SLC9A7: variants seen among roughly 807,000 people sequenced by gnomAD.
The protein encoded by SLC9A7 is sodium/hydrogen exchanger 7.
Under a neutral mutation model 52.6 loss-of-function variants are expected in SLC9A7, and 19 were observed. That is an observed-to-expected ratio of 0.36 (90% confidence interval 0.25 to 0.53). The LOEUF is 0.53. Ranked by LOEUF, SLC9A7 falls within the 20% of genes least tolerant of loss-of-function variation. The pLI, the probability that SLC9A7 is intolerant of heterozygous loss-of-function variation, is 0.91. For synonymous variants in SLC9A7, 226 were observed against 252.1 expected, an observed-to-expected ratio of 0.90 and a Z score of 0.98; for missense variants, 455 against 597.9, an observed-to-expected ratio of 0.76 and a Z score of 2.49.
intron 1 of SLC9A7, among the ~76,000 whole-genome samples, chrX:46,720,061 A>G (rs1225741646): frequency 8.9e-6 from 1 of 111,787 alleles, no homozygotes; most frequent in African/African-American, 3.3e-5. Flanking sequence ...GATTAAGGTC[A>G]TTACTGAGGA....
chrX:46,635,108 C>T, intron 13 of SLC9A7, among the ~76,000 whole-genome samples: 1 of 112,215 alleles, frequency 8.9e-6, no homozygotes, highest in Non-Finnish European at 1.9e-5. Flanking sequence ...GGCACAAGTA[C>T]ACAAATATGT....
At chrX:46,752,919 A>T (rs1156744911) in intron 1 of SLC9A7, among the ~76,000 whole-genome samples, 1 of 112,230 alleles carries the variant, frequency 8.9e-6, no homozygotes, top group Non-Finnish European at 1.9e-5. Context: ...AGGTTGAAAA[A>T]TTGTGATTTT....
At chrX:46,642,612 G>A (rs187673465) in intron 12 of SLC9A7, among the ~76,000 whole-genome samples, 1,411 of 111,884 alleles carry the variant, frequency 0.013, 18 homozygotes, top group Non-Finnish European at 0.018. Context: ...ATAAGATGCT[G>A]GAGCTCACAA....
chrX:46,607,065 G>T lies in SLC9A7; in HGVS notation c.2068C>A (p.Arg690=). 8.3e-7 allele frequency: 1 copy of T among 1,211,589 alleles called. No homozygotes were observed. The highest frequency in any genetic ancestry group is 1.8e-5 in the South Asian group (1 of 56,932). The change falls in exon 17 of 17, where the codon CGG becomes AGG. Residue 690 remains arginine (R), a synonymous_variant. Coordinates refer to ENST00000616978, the MANE Select transcript of SLC9A7 (RefSeq NM_001257291.2). Reference sequence around the variant, plus strand: ...TCCTCCGAGCTGCTCTTCGTTCTCCGGCTGCCCTCCAGACTCGTGGAGGCG... The same window carrying T: ...TCCTCCGAGCTGCTCTTCGTTCTCCTGCTGCCCTCCAGACTCGTGGAGGCG... The part of the protein sequence containing the change: ...HTASTSLEGS[R]RTKSSSEEVL...
At chrX:46,656,188 A>C (rs1315842314) in intron 7 of SLC9A7, among the ~76,000 whole-genome samples, 2 of 111,997 alleles carry the variant, frequency 1.8e-5, no homozygotes, top group Non-Finnish European at 3.8e-5. Flanking sequence ...AAACTAACAA[A>C]CAGAAAGGAC....
chrX:46,725,716 T>A, intron 1 of SLC9A7: 1 of 1,181,542 alleles, frequency 8.5e-7, no homozygotes, highest in Non-Finnish European at 1.2e-6. Flanking sequence ...AATCGAGAAA[T>A]CTTCTTGTCA....
Position 46,606,971 on chromosome X carries a change from G to C in SLC9A7, c.2162C>G (p.Pro721Arg). 1 of 1,211,348 alleles carries C rather than the reference G, an allele frequency of 8.3e-7. No homozygotes were observed. The highest frequency in any genetic ancestry group is 1.1e-6 in the Non-Finnish European group (1 of 895,430). Residue 721 changes from proline (P) to arginine (R), a missense_variant, in exon 17 of 17, where the codon CCC becomes CGC. Physicochemically the swap from Pro to Arg is moderately radical, Grantham distance 103. Transcript: ENST00000616978. ...VSSRGTRLVF[P>R]LEDNA Reference sequence around the variant, plus strand: ...GGAAAGTCAAGCATTATCTTCCAGGGGAAACACTAGGCGGGTGCCCCGGCT... The same window carrying C: ...GGAAAGTCAAGCATTATCTTCCAGGCGAAACACTAGGCGGGTGCCCCGGCT...
chrX:46,706,081 C>T (rs185930667), intron 1 of SLC9A7, among the ~76,000 whole-genome samples: 1 of 108,450 alleles, frequency 9.2e-6, no homozygotes, highest in Admixed American at 9.9e-5. Flanking sequence ...GAAATGCGAA[C>T]TCACTGGATA....
At chrX:46,682,678 G>A (rs1944229135) in intron 1 of SLC9A7, 143 bp from the exon 2 acceptor site, 3 of 525,195 alleles carry the variant, frequency 5.7e-6, no homozygotes, top group Non-Finnish European at 9.5e-6. Context: ...AGGAGAAACT[G>A]CATGGGCCTT....
At chrX:46,672,751 C>T (rs1944044890) in intron 3 of SLC9A7, 124 bp from the exon 4 acceptor site, 1 of 484,500 alleles carries the variant, frequency 2.1e-6, no homozygotes, top group Admixed American at 3.6e-5. Flanking sequence ...CATCAAGTAA[C>T]AACTGAAGTT....
intron 13 of SLC9A7, among the ~76,000 whole-genome samples, chrX:46,633,358 A>AAAAAAAAC (rs1943257096): frequency 1.1e-5 from 1 of 91,771 alleles, no homozygotes; most frequent in Non-Finnish European, 2.2e-5. Flanking sequence ...AAAAAAAAAA[A>AAAAAAAAC]AAAAAAAAAA....
In SLC9A7 at chrX:46,711,831, G is replaced by A. The variant is rs759295570; in HGVS notation, c.326-29296C>T. ...GTGTTGCCCTCACCATCAGGCCCACGTGTCAGGCAAAGGGAAACGAGAAAA... is the reference window on the plus strand; with the variant it reads ...GTGTTGCCCTCACCATCAGGCCCACATGTCAGGCAAAGGGAAACGAGAAAA... On this transcript the variant is annotated intron_variant, in intron 1 of 16. Coordinates refer to ENST00000616978, the MANE Select transcript of SLC9A7 (RefSeq NM_001257291.2). Among the ~76,000 whole-genome samples, 169 of 104,594 alleles carry A rather than the reference G, an allele frequency of 1.6e-3. 1 individual carries two copies. Among genetic ancestry groups the A allele is most frequent in the African/African-American group, 5.6e-3 (159 of 28,206 alleles). 90.8% of individuals were successfully genotyped at this position (104,594 alleles called of 115,157 possible).
intron 1 of SLC9A7, among the ~76,000 whole-genome samples, chrX:46,703,984 C>T (rs755602766): frequency 2.0e-4 from 22 of 111,752 alleles, no homozygotes; most frequent in Non-Finnish European, 3.8e-4. Flanking sequence ...CATTTTACAA[C>T]ATGTACAATA....
At chrX:46,659,851 T>C (rs1159010776) in intron 7 of SLC9A7, among the ~76,000 whole-genome samples, 85 of 96,387 alleles carry the variant, frequency 8.8e-4, no homozygotes, top group Middle Eastern at 5.2e-3. Context: ...AATGACTTTC[T>C]TCACAGAATT....
chrX:46,753,474 T>C (rs1370022483), intron 1 of SLC9A7, among the ~76,000 whole-genome samples: 1 of 112,125 alleles, frequency 8.9e-6, no homozygotes, highest in Non-Finnish European at 1.9e-5. Context: ...ACATTATGTG[T>C]GGACAGTAGC....
chrX:46,727,758 AC>A (rs1162504674), intron 1 of SLC9A7, among the ~76,000 whole-genome samples: 1 of 112,194 alleles, frequency 8.9e-6, no homozygotes, highest in Non-Finnish European at 1.9e-5. Context: ...GCCAAAATAA[AC>A]ACAAAGAACT....
chrX:46,694,199 G>A (rs1051823377), intron 1 of SLC9A7, among the ~76,000 whole-genome samples: 2 of 108,638 alleles, frequency 1.8e-5, no homozygotes, highest in Non-Finnish European at 3.8e-5. Flanking sequence ...GAGGTGGGAG[G>A]ACCACTTGAG....
chrX:46,713,996 C>T (rs1048123851), intron 1 of SLC9A7, among the ~76,000 whole-genome samples: 28 of 110,194 alleles, frequency 2.5e-4, no homozygotes, highest in Non-Finnish European at 4.7e-4. Flanking sequence ...ATATACTATA[C>T]TCAATGTTTT....
At chrX:46,652,017 C>T (rs969431596) in intron 8 of SLC9A7, among the ~76,000 whole-genome samples, 2 of 110,157 alleles carry the variant, frequency 1.8e-5, no homozygotes, top group African/African-American at 6.6e-5. Flanking sequence ...CTAAACTCCT[C>T]CAACTACCAT....
Sources: allele counts gnomAD v4.1 joint callset (sites outside exome capture counted in the v4.1 genomes callset), GRCh38; gene constraint gnomAD v4.1.1; transcripts MANE v1.5; gene names NCBI Gene and HGNC (gene_info 2026-07-23, HGNC 2026-07-21).